The following NLGN1 variants were observed in gnomAD, a reference collection of about 807,000 sequenced individuals.
NLGN1 encodes neuroligin-1.
A neutral mutation model predicts 65.5 loss-of-function variants in NLGN1; 12 were observed. The observed-to-expected ratio is 0.18, with a 90% CI of 0.12 to 0.30. NLGN1 has a LOEUF of 0.30. Ranked by LOEUF, NLGN1 falls within the 10% of genes least tolerant of loss-of-function variation. The probability of loss-of-function intolerance (pLI) is 1.00; values close to 1 mark genes in which losing one functional copy is unlikely to be tolerated. For synonymous variants in NLGN1, 350 were observed against 359.5 expected, an observed-to-expected ratio of 0.97 and a Z score of 0.30; for missense variants, 750 against 1,007.1, an observed-to-expected ratio of 0.74 and a Z score of 3.46.
At chr3:173,950,213 G>A (rs1747933932) in intron 4 of NLGN1, among the ~76,000 whole-genome samples, 2 of 151,972 alleles carry the variant, frequency 1.3e-5, no homozygotes, top group Admixed American at 1.3e-4. Context: ...TTGAAATTTT[G>A]TTTCTGTGAA....
intron 4 of NLGN1, among the ~76,000 whole-genome samples, chr3:173,876,992 T>G (rs1019551894): frequency 6.6e-6 from 1 of 152,122 alleles, no homozygotes; most frequent in African/African-American, 2.4e-5. Flanking sequence ...GATATTCAAA[T>G]TGGTGAGTAA....
intron 4 of NLGN1, among the ~76,000 whole-genome samples, chr3:173,878,390 C>T (rs1732548378): frequency 6.6e-6 from 1 of 151,998 alleles, no homozygotes; most frequent in South Asian, 2.1e-4. Flanking sequence ...TCATTAAACA[C>T]TATATCATAA....
intron 4 of NLGN1, among the ~76,000 whole-genome samples, chr3:173,970,699 A>G (rs1390351116): frequency 6.6e-6 from 1 of 152,126 alleles, no homozygotes; most frequent in Non-Finnish European, 1.5e-5. Context: ...GGCCTTGTCA[A>G]CTAAGAGTTG....
intron 3 of NLGN1, among the ~76,000 whole-genome samples, chr3:173,733,774 A>T (rs1366274202): frequency 1.3e-5 from 2 of 152,162 alleles, no homozygotes; most frequent in African/African-American, 4.8e-5. Context: ...CAAAGGTAAT[A>T]AAATTATGGC....
chr3:174,217,772 A>T (rs970625086), intron 4 of NLGN1, among the ~76,000 whole-genome samples: 1 of 152,038 alleles, frequency 6.6e-6, no homozygotes, highest in African/African-American at 2.4e-5. Flanking sequence ...GAAGGCACCT[A>T]GAATGAAGTC....
chr3:173,933,148 T>G (rs937785131), intron 4 of NLGN1, among the ~76,000 whole-genome samples: 1 of 152,122 alleles, frequency 6.6e-6, no homozygotes, highest in South Asian at 2.1e-4. Context: ...CATTAAGTAA[T>G]TGAATGGGAA....
chr3:173,488,987 TCTC>T (rs993799678), intron 2 of NLGN1, among the ~76,000 whole-genome samples: 14 of 151,908 alleles, frequency 9.2e-5, no homozygotes, highest in Non-Finnish European at 1.6e-4. Context: ...TTCACTAATA[TCTC>T]CTCAACTACA....
intron 3 of NLGN1, among the ~76,000 whole-genome samples, chr3:173,709,679 T>C (rs1768612494): frequency 6.6e-6 from 1 of 151,680 alleles, no homozygotes; most frequent in African/African-American, 2.4e-5. Context: ...GGTGAGTGCC[T>C]GTAATCCCAG....
Position 173,460,875 on chromosome 3 carries a change from G to A in NLGN1, c.-321+25797G>A, listed in dbSNP as rs1723260753. Among the ~76,000 whole-genome samples, 2 of 152,144 alleles carry A rather than the reference G, an allele frequency of 1.3e-5. 1 individual carries two copies. The highest frequency in any genetic ancestry group is 4.1e-4 in the South Asian group (2 of 4,836). ...GTTGACTTTGATGTCCTCACAGTGT[G>A]AAGAGCTGCCTAGGGAATGCTCTCT... On this transcript the variant is annotated intron_variant, in intron 2 of 6. Coordinates refer to ENST00000457714, the Ensembl canonical transcript of NLGN1.
At position 173,735,451 on chromosome 3, in the gene NLGN1, A is replaced by G. The variant is rs1250742124; in HGVS notation, c.494-72229A>G. On this transcript the variant is annotated intron_variant, in intron 3 of 6. Transcript: ENST00000457714. ...TCTTTCTCACATTTCAGACTGCTGC[A>G]AATCAAACTCAAAGGATTAGGAAAA... Among the ~76,000 whole-genome samples, 13 of 152,300 alleles carry G rather than the reference A, an allele frequency of 8.5e-5. No homozygotes were observed. The South Asian group carries it at 1.9e-3, about 22-fold the overall frequency.
intron 3 of NLGN1, among the ~76,000 whole-genome samples, chr3:173,768,814 C>A (rs1322194878): frequency 6.6e-6 from 1 of 152,122 alleles, no homozygotes; most frequent in Non-Finnish European, 1.5e-5. Context: ...CTCTGTCGCC[C>A]AGGCTGGAGT....
chr3:173,545,546 T>G (rs922667725), intron 2 of NLGN1, among the ~76,000 whole-genome samples: 4 of 152,202 alleles, frequency 2.6e-5, no homozygotes, highest in Non-Finnish European at 1.5e-5. Flanking sequence ...AGATTGGTTT[T>G]TTTAAAAATC....
intron 2 of NLGN1, among the ~76,000 whole-genome samples, chr3:173,519,969 G>C (rs886913345): frequency 6.6e-6 from 1 of 152,150 alleles, no homozygotes; most frequent in Non-Finnish European, 1.5e-5. Context: ...GTAGAATCAT[G>C]GGACGGAGTT....
chr3:173,831,238 GA>G (rs574175251), intron 4 of NLGN1, among the ~76,000 whole-genome samples: 8 of 148,132 alleles, frequency 5.4e-5, no homozygotes, highest in South Asian at 2.1e-4. Flanking sequence ...TAGCTATCCT[GA>G]AAAAAAAAAT....
chr3:173,677,622 A>G (rs906458720), intron 3 of NLGN1, among the ~76,000 whole-genome samples: 12 of 152,086 alleles, frequency 7.9e-5, no homozygotes, highest in Non-Finnish European at 1.6e-4. Flanking sequence ...CCTATTATCT[A>G]TGAGGCTTAT....
At chr3:173,778,872 G>C (rs1457869748) in intron 3 of NLGN1, among the ~76,000 whole-genome samples, 1 of 151,426 alleles carries the variant, frequency 6.6e-6, no homozygotes, top group Non-Finnish European at 1.5e-5. Context: ...ATGACAAAAG[G>C]TTGTGATATC....
intron 4 of NLGN1, among the ~76,000 whole-genome samples, chr3:173,862,746 T>C (rs1371714435): frequency 3.3e-5 from 5 of 152,114 alleles, no homozygotes; most frequent in Admixed American, 3.3e-4. Context: ...ATTGATAATA[T>C]AATAAAATTT....
intron 4 of NLGN1, among the ~76,000 whole-genome samples, chr3:173,968,139 C>T (rs1715292246): frequency 1.3e-5 from 2 of 152,104 alleles, no homozygotes; most frequent in Non-Finnish European, 2.9e-5. Flanking sequence ...AAGAGTCCTA[C>T]AATCCTTGAA....
At chr3:174,105,864 G>A (rs1713661829) in intron 4 of NLGN1, among the ~76,000 whole-genome samples, 1 of 152,048 alleles carries the variant, frequency 6.6e-6, no homozygotes, top group African/African-American at 2.4e-5. Context: ...GAGCAATTAT[G>A]TGAATGGCTA....
Sources: allele counts gnomAD v4.1 joint callset (sites outside exome capture counted in the v4.1 genomes callset), GRCh38; gene constraint gnomAD v4.1.1; transcripts MANE v1.5; gene names NCBI Gene and HGNC (gene_info 2026-07-23, HGNC 2026-07-21).